Variants in DIAPH3 observed in about 807,000 individuals in gnomAD.
DIAPH3 encodes the protein diaphanous related formin 3.
In DIAPH3, 117 loss-of-function variants were observed where a neutral mutation model predicts 144.3. The observed-to-expected ratio is 0.81, with a 90% CI of 0.70 to 0.95. The LOEUF (loss-of-function observed/expected upper bound fraction) is 0.95. Ranked by LOEUF, DIAPH3 falls within the 40% of genes least tolerant of loss-of-function variation. The pLI is 0.00. For synonymous variants in DIAPH3, 519 were observed against 488.9 expected, an observed-to-expected ratio of 1.06 and a Z score of -0.81; for missense variants, 1,421 against 1,412.7, an observed-to-expected ratio of 1.01 and a Z score of -0.09.
intron 27 of DIAPH3, among the ~76,000 whole-genome samples, chr13:59,702,505 C>A (rs2034165273): frequency 6.6e-6 from 1 of 152,162 alleles, no homozygotes; most frequent in Admixed American, 6.5e-5. Flanking sequence ...TGAAAATCAG[C>A]TTTAGAACAC....
rs1345265425 is a variant in DIAPH3 at position 59,749,900 on chromosome 13, C to T, written c.3319+24289G>A. Among the ~76,000 whole-genome samples, 2 of 151,988 alleles carry T rather than the reference C, an allele frequency of 1.3e-5. 1 individual carries two copies. Among genetic ancestry groups the T allele is most frequent in the Non-Finnish European group, 2.9e-5 (2 of 67,990 alleles). On this transcript the variant is annotated intron_variant, in intron 27 of 27. Coordinates refer to ENST00000400324, the MANE Select transcript of DIAPH3 (RefSeq NM_001042517.2). ...ATCAGAAACTAATTTATTTCAGGGCCCTTCATGATACTCTGTTAGCTATCT... is the reference window on the plus strand; with the variant it reads ...ATCAGAAACTAATTTATTTCAGGGCTCTTCATGATACTCTGTTAGCTATCT...
intron 4 of DIAPH3, among the ~76,000 whole-genome samples, chr13:60,085,039 G>T (rs999352813): frequency 2.0e-5 from 3 of 152,046 alleles, no homozygotes; most frequent in African/African-American, 7.2e-5. Flanking sequence ...AAGAGCTTAG[G>T]AGTTTAAGTT....
intron 22 of DIAPH3, among the ~76,000 whole-genome samples, chr13:59,848,500 T>C (rs1344866007): frequency 5.5e-5 from 8 of 146,610 alleles, no homozygotes; most frequent in African/African-American, 1.8e-4. Context: ...CAGAGTGTGA[T>C]ATTCCCCTTC....
chr13:59,825,498 G>C (rs908893126), intron 24 of DIAPH3, among the ~76,000 whole-genome samples: 1 of 152,208 alleles, frequency 6.6e-6, no homozygotes, highest in East Asian at 1.9e-4. Context: ...ATAAACATAT[G>C]GGTGCATGTG....
chr13:60,163,783 G>A lies in DIAPH3; in HGVS notation c.-17C>T. Reference sequence around the variant, plus strand: ...CCGTTCCATCTTTCCCCGCAGCTCCGGGGACCGGAAAGAAGGTGGCCACTC... The same window carrying A: ...CCGTTCCATCTTTCCCCGCAGCTCCAGGGACCGGAAAGAAGGTGGCCACTC... On this transcript the variant is annotated 5_prime_UTR_variant, in exon 1 of 28. Transcript: ENST00000400324. 1 of 1,556,314 alleles carries A rather than the reference G, an allele frequency of 6.4e-7. No homozygotes were observed. The highest frequency in any genetic ancestry group is 8.7e-7 in the Non-Finnish European group (1 of 1,153,454).
At chr13:59,872,483 A>G (rs1041749047) in intron 21 of DIAPH3, among the ~76,000 whole-genome samples, 2 of 152,192 alleles carry the variant, frequency 1.3e-5, no homozygotes, top group African/African-American at 4.8e-5. Flanking sequence ...AAAGCCACTT[A>G]TGACACATTT....
chr13:59,838,578 C>A (rs2042163423), intron 23 of DIAPH3: 1 of 152,022 alleles, frequency 6.6e-6, no homozygotes. Context: ...TATGCCAATT[C>A]TTGAAGTTAA....
chr13:59,669,280 T>A (rs776317464), intron 27 of DIAPH3, among the ~76,000 whole-genome samples: 2 of 152,196 alleles, frequency 1.3e-5, no homozygotes, highest in Admixed American at 6.5e-5. Context: ...GATTCATGAC[T>A]ATGAACTTCA....
At chr13:59,811,931 T>A (rs1213534631) in intron 24 of DIAPH3, among the ~76,000 whole-genome samples, 1 of 151,980 alleles carries the variant, frequency 6.6e-6, no homozygotes, top group Non-Finnish European at 1.5e-5. Context: ...AATTAGCAGG[T>A]AAACATGGGA....
At chr13:59,850,894 A>C (rs1056525553) in intron 22 of DIAPH3, among the ~76,000 whole-genome samples, 2 of 147,870 alleles carry the variant, frequency 1.4e-5, no homozygotes, top group Non-Finnish European at 3.0e-5. Context: ...ATAGTTTACC[A>C]ACCAAAAAGA....
intron 25 of DIAPH3, among the ~76,000 whole-genome samples, chr13:59,778,475 T>C (rs1020457426): frequency 3.9e-5 from 6 of 152,254 alleles, no homozygotes; most frequent in Non-Finnish European, 8.8e-5. Context: ...GCTAAATATA[T>C]GTTGACTAAA....
At position 59,984,224 on chromosome 13, in the gene DIAPH3, A is replaced by C. The variant is rs916706052; in HGVS notation, c.1362-337T>G. ...TCAGAGGTCATCAACTTTCCACTGT[A>C]CCACACTGAAATAGCTATCATTAAT... On this transcript the variant is annotated intron_variant, in intron 12 of 27. Coordinates refer to ENST00000400324, the MANE Select transcript of DIAPH3 (RefSeq NM_001042517.2). Among the ~76,000 whole-genome samples the C allele has an allele frequency of 1.3e-5, 2 of 151,716 alleles. 1 individual carries two copies. Among genetic ancestry groups the C allele is most frequent in the South Asian group, 4.1e-4 (2 of 4,830 alleles).
chr13:59,701,850 G>A (rs954310307), intron 27 of DIAPH3, among the ~76,000 whole-genome samples: 4 of 152,174 alleles, frequency 2.6e-5, no homozygotes, highest in African/African-American at 4.8e-5. Context: ...GATCTGCAAG[G>A]TCTTCCCTGG....
At chr13:60,130,581 G>A (rs945204108) in intron 2 of DIAPH3, among the ~76,000 whole-genome samples, 6 of 152,170 alleles carry the variant, frequency 3.9e-5, no homozygotes, top group African/African-American at 7.2e-5. Context: ...CCTGACTAGC[G>A]CCAAGCCAGG....
chr13:60,083,333 T>A (rs569232871), intron 4 of DIAPH3, among the ~76,000 whole-genome samples: 109 of 152,226 alleles, frequency 7.2e-4, no homozygotes, highest in African/African-American at 2.6e-3. Flanking sequence ...AAATTTCCTA[T>A]ATCACTGGCT....
chr13:59,714,878 T>C (rs1005685084), intron 27 of DIAPH3, among the ~76,000 whole-genome samples: 15 of 152,170 alleles, frequency 9.9e-5, no homozygotes, highest in African/African-American at 3.1e-4. Flanking sequence ...TATAAGAAAA[T>C]TGTTTTTGAG....
At chr13:59,916,329 CA>C in intron 18 of DIAPH3, 80 bp from the exon 19 acceptor site, 1 of 1,075,294 alleles carries the variant, frequency 9.3e-7, no homozygotes, top group Non-Finnish European at 1.4e-6. Flanking sequence ...TTTATAAAAT[CA>C]AAAATAAATT....
intron 12 of DIAPH3, 122 bp from the exon 13 acceptor site, chr13:59,984,009 G>T (rs559120929): frequency 1.2e-5 from 8 of 686,882 alleles, no homozygotes; most frequent in Non-Finnish European, 2.1e-5. Flanking sequence ...AATTTCAATA[G>T]TTGACACAAC....
At chr13:59,802,557 C>T (rs1317181591) in intron 25 of DIAPH3, among the ~76,000 whole-genome samples, 6 of 90,934 alleles carry the variant, frequency 6.6e-5, no homozygotes, top group African/African-American at 2.2e-4. Context: ...TATAGGAAGA[C>T]AAGGAAAAGT....
Sources: allele counts gnomAD v4.1 joint callset (sites outside exome capture counted in the v4.1 genomes callset), GRCh38; gene constraint gnomAD v4.1.1; transcripts MANE v1.5; gene names NCBI Gene and HGNC (gene_info 2026-07-23, HGNC 2026-07-21).